Variants in UGT1A9 observed in about 807,000 individuals in gnomAD.
UGT1A9 encodes the protein UDP glucuronosyltransferase family 1 member A9.
UGT1A9 carries 35 observed loss-of-function variants against 45.0 expected under a neutral mutation model. That is an observed-to-expected ratio of 0.78 (90% CI 0.59 to 1.03). The LOEUF (loss-of-function observed/expected upper bound fraction) is 1.03. Among genes scored for constraint, UGT1A9 ranks in the 50% least tolerant of loss-of-function variants. The pLI is 0.00. For synonymous variants in UGT1A9, 278 were observed against 250.6 expected (o/e 1.11, Z -1.03); for missense variants, 687 against 666.6 (o/e 1.03, Z -0.34).
intron 1 of UGT1A9, among the ~76,000 whole-genome samples, chr2:233,766,276 CCCGGGCTCG>C (rs1699094963): frequency 2.0e-5 from 3 of 151,848 alleles, no homozygotes; most frequent in Non-Finnish European, 1.5e-5. Flanking sequence ...GGCTCGGTGG[CCCGGGCTCG>C]GTGGCCTGGG....
chr2:233,747,886 A>G, intron 1 of UGT1A9: 2 of 1,613,554 alleles, frequency 1.2e-6, no homozygotes, highest in South Asian at 1.1e-5. Flanking sequence ...TACCTTTGCC[A>G]TGCTCTTTCT....
chr2:233,698,130 G>A (rs1470360029), intron 1 of UGT1A9, among the ~76,000 whole-genome samples: 1 of 152,166 alleles, frequency 6.6e-6, no homozygotes, highest in East Asian at 1.9e-4. Flanking sequence ...GACCTTGTTT[G>A]TGTCTCAACT....
At chr2:233,727,474 C>A (rs2077619427) in intron 1 of UGT1A9, among the ~76,000 whole-genome samples, 1 of 152,182 alleles carries the variant, frequency 6.6e-6, no homozygotes, top group Non-Finnish European at 1.5e-5. Context: ...AAATAAAACA[C>A]TACTACTTGG....
At chr2:233,689,171 A>G (rs1031704673) in intron 1 of UGT1A9, among the ~76,000 whole-genome samples, 7 of 152,202 alleles carry the variant, frequency 4.6e-5, no homozygotes, top group African/African-American at 1.7e-4. Flanking sequence ...ATCTTCTACT[A>G]GGACAGGTGC....
At chr2:233,718,319 T>C (rs1258120850) in intron 1 of UGT1A9, among the ~76,000 whole-genome samples, 1 of 152,270 alleles carries the variant, frequency 6.6e-6, no homozygotes, top group Non-Finnish European at 1.5e-5. Flanking sequence ...TAGAGAAAGC[T>C]GGCTTAGCAA....
At chr2:233,682,740 A>G (rs369092989) in intron 1 of UGT1A9, 12 of 1,613,838 alleles carry the variant, frequency 7.4e-6, no homozygotes, top group Middle Eastern at 1.6e-4. Context: ...GTGATGCCCA[A>G]TATGATCTTC....
At chr2:233,698,914 C>T (rs12471030) in intron 1 of UGT1A9, among the ~76,000 whole-genome samples, 26,852 of 152,182 alleles carry the variant, frequency 0.18, 2,658 homozygotes, top group Non-Finnish European at 0.23. Flanking sequence ...CAAGGAGGGA[C>T]GTGGCCGTCT....
chr2:233,760,963 G>A (rs761943511), intron 1 of UGT1A9: 5 of 1,614,162 alleles, frequency 3.1e-6, no homozygotes, highest in African/African-American at 1.3e-5. Flanking sequence ...GTGCGACGTG[G>A]TTTATTCCCC....
chr2:233,684,163 C>G (rs1051297067), intron 1 of UGT1A9, among the ~76,000 whole-genome samples: 2 of 152,156 alleles, frequency 1.3e-5, no homozygotes, highest in South Asian at 4.1e-4. Context: ...CATTCTCTCT[C>G]ATATTGGCAG....
At chr2:233,691,290 A>C (rs936596287) in intron 1 of UGT1A9, 99 of 985,440 alleles carry the variant, frequency 1.0e-4, no homozygotes, top group Non-Finnish European at 1.2e-4. Context: ...GATCATTGTA[A>C]GCTGCCAATC....
At chr2:233,683,218 T>C (rs1188153474) in intron 1 of UGT1A9, among the ~76,000 whole-genome samples, 1 of 152,202 alleles carries the variant, frequency 6.6e-6, no homozygotes, top group African/African-American at 2.4e-5. Context: ...ATTTTATCAA[T>C]ATAAAATCTA....
At chr2:233,740,156 C>A (rs578012287) in intron 1 of UGT1A9, among the ~76,000 whole-genome samples, 33 of 151,986 alleles carry the variant, frequency 2.2e-4, no homozygotes, top group Non-Finnish European at 3.7e-4. Flanking sequence ...GAGGCCTCCC[C>A]AGTCATGTGG....
intron 1 of UGT1A9, among the ~76,000 whole-genome samples, chr2:233,744,647 A>G (rs1048416794): frequency 6.6e-6 from 1 of 151,912 alleles, no homozygotes; most frequent in Non-Finnish European, 1.5e-5. Context: ...CAGCTTCTGT[A>G]TTCAATCTAC....
chr2:233,745,785 G>T (rs902358677), intron 1 of UGT1A9, among the ~76,000 whole-genome samples: 5 of 150,990 alleles, frequency 3.3e-5, no homozygotes, highest in Admixed American at 1.3e-4. Flanking sequence ...CTTAGACAGG[G>T]GGGCTGGGGT....
intron 1 of UGT1A9, among the ~76,000 whole-genome samples, chr2:233,700,085 G>T (rs537360588): frequency 2.8e-4 from 42 of 152,322 alleles, no homozygotes; most frequent in African/African-American, 9.4e-4. Context: ...AAGGCCCCCA[G>T]CCTGGAGGTG....
rs1692738477 is a variant in UGT1A9, at chr2:233,744,224, A to C, written c.856-22810A>C. Reference sequence around the variant, plus strand: ...ATGGGAAAAAGAGGTTGGGGAAAAGAGAGGGCCTTGACTTTGGCTGCCTGA... The same window carrying C: ...ATGGGAAAAAGAGGTTGGGGAAAAGCGAGGGCCTTGACTTTGGCTGCCTGA... On this transcript the variant is annotated intron_variant, in intron 1 of 4. Coordinates refer to ENST00000354728, the MANE Select transcript of UGT1A9 (RefSeq NM_021027.3). 1.3e-5 allele frequency among the ~76,000 whole-genome samples: 2 copies of C among 151,816 alleles called. 1 individual carries two copies. Among genetic ancestry groups the C allele is most frequent in the African/African-American group, 4.9e-5 (2 of 41,070 alleles).
chr2:233,725,937 A>G (rs911094598), intron 1 of UGT1A9, among the ~76,000 whole-genome samples: 3 of 152,148 alleles, frequency 2.0e-5, no homozygotes. Flanking sequence ...AGACTGATGC[A>G]GGAGGATTGT....
chr2:233,682,632 C>G (rs1559339881), intron 1 of UGT1A9: 4 of 1,613,934 alleles, frequency 2.5e-6, no homozygotes, highest in Non-Finnish European at 3.4e-6. Context: ...GAAATAGCCT[C>G]TGAAATTCTC....
chr2:233,763,634 G>A (rs185655809), intron 1 of UGT1A9, among the ~76,000 whole-genome samples: 42 of 152,196 alleles, frequency 2.8e-4, no homozygotes, highest in Admixed American at 6.5e-4. Flanking sequence ...TGTGTTGATG[G>A]TCCTATTCTC....
Sources: gnomAD v4.1 joint callset for allele counts (sites outside exome capture counted in the v4.1 genomes callset) on GRCh38, gnomAD v4.1.1 for gene constraint, MANE v1.5 for transcripts, NCBI Gene and HGNC (gene_info 2026-07-23, HGNC 2026-07-21) for gene names.